Variants in NRXN1 observed in about 807,000 individuals in gnomAD.
NRXN1 encodes neurexin-1.
NRXN1 carries 39 observed loss-of-function variants against 150.9 expected under a neutral mutation model. The observed-to-expected ratio is 0.26, with a 90% CI of 0.20 to 0.34. The LOEUF (loss-of-function observed/expected upper bound fraction) is 0.34. NRXN1 is among the 10% of genes least tolerant of loss of function. The pLI is 1.00. For missense variants in NRXN1, 1,815 were observed against 1,949.9 expected (o/e 0.93, Z 1.30); for synonymous variants, 924 against 757.0 (o/e 1.22, Z -3.62).
intron 2 of NRXN1, among the ~76,000 whole-genome samples, chr2:50,928,445 T>A (rs1444869071): frequency 6.6e-6 from 1 of 151,974 alleles, no homozygotes; most frequent in African/African-American, 2.4e-5. Context: ...CTAAAGAAAA[T>A]CCCTACATTA....
chr2:50,300,630 T>G (rs891915368), intron 17 of NRXN1, among the ~76,000 whole-genome samples: 8 of 152,182 alleles, frequency 5.3e-5, no homozygotes, highest in Non-Finnish European at 1.0e-4. Flanking sequence ...GCAGACGTGA[T>G]GAGGTCCACT....
rs71401060 is a variant in NRXN1, at chr2:50,158,064, AGTGTGTGTGTGTGTGTGTGT to A, written c.3547-66590_3547-66571del. Among the ~76,000 whole-genome samples the A allele has an allele frequency of 8.3e-4, 111 of 134,060 alleles. 1 individual carries two copies. In the South Asian group the frequency reaches 0.025, roughly 31 times the overall value. The allele number at this position is 134,060 out of a possible 152,430, so 87.9% of individuals were successfully genotyped here. A position where few individuals can be genotyped will look rare whatever the true frequency, so the allele number is the denominator to read the frequency against. ...CTTCAGGAATATTTATAAGAAGTTG[AGTGTGTGTGTGTGTGTGTGT>A]GTGTGTGTGTGTGTGTGTGTGTGTA... is the stretch of plus-strand genomic sequence containing the variant. On this transcript the variant is annotated intron_variant, in intron 18 of 22. Coordinates refer to ENST00000401669, the MANE Select transcript of NRXN1 (RefSeq NM_001330078.2).
intron 12 of NRXN1, among the ~76,000 whole-genome samples, chr2:50,523,401 C>A (rs1347822343): frequency 1.3e-5 from 2 of 152,102 alleles, no homozygotes. Context: ...GCGAAAGACT[C>A]CCTTTTACAG....
At chr2:50,384,825 G>A (rs2081216946) in intron 17 of NRXN1, among the ~76,000 whole-genome samples, 1 of 151,902 alleles carries the variant, frequency 6.6e-6, no homozygotes. Context: ...CCTACACATG[G>A]GCCTGTTTTC....
At chr2:50,875,501 A>C (rs991186549) in intron 5 of NRXN1, among the ~76,000 whole-genome samples, 2 of 151,658 alleles carry the variant, frequency 1.3e-5, no homozygotes, top group African/African-American at 4.8e-5. Flanking sequence ...CTTTATCCTA[A>C]AATCCAGCCA....
intron 21 of NRXN1, among the ~76,000 whole-genome samples, chr2:50,005,535 G>C (rs970840870): frequency 6.6e-6 from 1 of 152,060 alleles, no homozygotes; most frequent in Non-Finnish European, 1.5e-5. Flanking sequence ...TCATACTGTG[G>C]AATGTATCAT....
chr2:50,226,761 T>C (rs927291650), intron 18 of NRXN1, among the ~76,000 whole-genome samples: 13 of 151,912 alleles, frequency 8.6e-5, no homozygotes, highest in Non-Finnish European at 2.9e-5. Context: ...ACTGGAAACA[T>C]GCTGATAGTT....
intron 17 of NRXN1, among the ~76,000 whole-genome samples, chr2:50,279,436 A>G (rs1019024261): frequency 6.6e-6 from 1 of 152,230 alleles, no homozygotes; most frequent in Non-Finnish European, 1.5e-5. Flanking sequence ...AAACTGAATA[A>G]GAATGTCCTA....
At chr2:50,268,675 T>C (rs2152920859) in intron 17 of NRXN1, among the ~76,000 whole-genome samples, 1 of 152,300 alleles carries the variant, frequency 6.6e-6, no homozygotes, top group Middle Eastern at 3.4e-3. Flanking sequence ...AGGACAACTT[T>C]AGCACTTCAA....
chr2:50,093,970 T>C (rs1056359735), intron 18 of NRXN1, among the ~76,000 whole-genome samples: 2 of 152,206 alleles, frequency 1.3e-5, no homozygotes, highest in African/African-American at 4.8e-5. Context: ...GCAGATTTGG[T>C]AAATCTAGCT....
intron 17 of NRXN1, among the ~76,000 whole-genome samples, chr2:50,304,608 AG>A: frequency 6.6e-6 from 1 of 152,280 alleles, no homozygotes; most frequent in Non-Finnish European, 1.5e-5. Flanking sequence ...TGAACCCCAG[AG>A]GAAAGCAGTT....
intron 5 of NRXN1, among the ~76,000 whole-genome samples, chr2:50,901,400 G>A (rs1682917835): frequency 6.6e-6 from 1 of 152,054 alleles, no homozygotes; most frequent in Non-Finnish European, 1.5e-5. Context: ...AGCCAGGCAT[G>A]GTGGGAGGCA....
At chr2:50,389,468 T>C (rs2081545715) in intron 17 of NRXN1, among the ~76,000 whole-genome samples, 1 of 151,776 alleles carries the variant, frequency 6.6e-6, no homozygotes, top group Non-Finnish European at 1.5e-5. Context: ...CTGGTATCAA[T>C]AATATATGAA....
chr2:50,660,557 G>A (rs1687149289), intron 5 of NRXN1, among the ~76,000 whole-genome samples: 1 of 152,008 alleles, frequency 6.6e-6, no homozygotes, highest in Non-Finnish European at 1.5e-5. Flanking sequence ...CTCCTACCTT[G>A]AAACATCAAA....
At chr2:50,131,976 G>A (rs773206758) in intron 18 of NRXN1, among the ~76,000 whole-genome samples, 49 of 152,302 alleles carry the variant, frequency 3.2e-4, no homozygotes, top group Non-Finnish European at 6.0e-4. Context: ...GAGTGTGTGC[G>A]TGTGTATGTG....
chr2:50,068,201 G>C (rs536841678), intron 19 of NRXN1, among the ~76,000 whole-genome samples: 3 of 152,094 alleles, frequency 2.0e-5, no homozygotes, highest in South Asian at 4.2e-4. Flanking sequence ...GATGAGGTTT[G>C]TCCATTGTAT....
At chr2:50,894,546 G>C (rs910260899) in intron 5 of NRXN1, among the ~76,000 whole-genome samples, 2 of 151,854 alleles carry the variant, frequency 1.3e-5, no homozygotes, top group Non-Finnish European at 2.9e-5. Context: ...AGAAATAGTT[G>C]AAATTATATG....
intron 5 of NRXN1, among the ~76,000 whole-genome samples, chr2:50,806,527 T>C (rs2105733436): frequency 6.6e-6 from 1 of 152,302 alleles, no homozygotes; most frequent in African/African-American, 2.4e-5. Flanking sequence ...TTAAGGAGTA[T>C]ATAGCTACAA....
chr2:50,878,966 G>A (rs1374609279), intron 5 of NRXN1, among the ~76,000 whole-genome samples: 1 of 151,906 alleles, frequency 6.6e-6, no homozygotes, highest in Admixed American at 6.6e-5. Context: ...ACCATGATGG[G>A]TAATTTTTGT....
Sources: allele counts gnomAD v4.1 joint callset (sites outside exome capture counted in the v4.1 genomes callset), GRCh38; gene constraint gnomAD v4.1.1; transcripts MANE v1.5; gene names NCBI Gene and HGNC (gene_info 2026-07-23, HGNC 2026-07-21).